The following ADGRD1 variants were observed in gnomAD, a reference collection of about 807,000 sequenced individuals.
ADGRD1 encodes G-protein coupled receptor 133.
Under a neutral mutation model 113.4 loss-of-function variants are expected in ADGRD1, and 77 were observed. That is an observed-to-expected ratio of 0.68 (90% CI 0.57 to 0.82). The LOEUF is 0.82. Ranked by LOEUF, ADGRD1 falls within the 40% of genes least tolerant of loss-of-function variation. The pLI, the probability that ADGRD1 is intolerant of heterozygous loss-of-function variation, is 0.00. For missense variants in ADGRD1, 1,036 were observed against 1,139.1 expected, an observed-to-expected ratio of 0.91 and a Z score of 1.30; for synonymous variants, 474 against 475.0, an observed-to-expected ratio of 1.00 and a Z score of 0.03.
At chr12:130,987,396 G>T in intron 6 of ADGRD1, 47 bp downstream of exon 6, 13 of 1,607,362 alleles carry the variant, frequency 8.1e-6, no homozygotes, top group Non-Finnish European at 1.1e-5. Context: ...CTGTTCCCAG[G>T]GTCACCCTGG....
In ADGRD1 at chr12:130,966,682, G is replaced by T; in HGVS notation, c.187+136G>T. Reference sequence around the variant, plus strand: ...TGGGTGCTGAGAGTGACTGTGGGCCGGGGAATCCCAGGGCCATCGGGGAGC... The same window carrying T: ...TGGGTGCTGAGAGTGACTGTGGGCCTGGGAATCCCAGGGCCATCGGGGAGC... On this transcript the variant is annotated intron_variant, in intron 3 of 24. Transcript: ENST00000261654. This position sits in a 1 kb window ranked among gnomAD's most constrained non-coding sequence, Gnocchi z 4.6. 1 of 662,390 alleles carries T rather than the reference G, an allele frequency of 1.5e-6. No homozygotes were observed. The highest frequency in any genetic ancestry group is 2.8e-6 in the Non-Finnish European group (1 of 362,612). The allele number at this position is 662,390 out of a possible 1,614,324, so 41.0% of individuals were successfully genotyped here.
intron 13 of ADGRD1, chr12:131,070,530 G>A (rs1885072846): frequency 1.5e-5 from 3 of 196,602 alleles, no homozygotes; most frequent in African/African-American, 6.9e-5. Context: ...GAGCCCCTGG[G>A]GCTTCTGTAG....
At chr12:131,102,321 G>A (rs960907801) in intron 15 of ADGRD1, among the ~76,000 whole-genome samples, 4 of 152,302 alleles carry the variant, frequency 2.6e-5, no homozygotes, top group South Asian at 2.1e-4. Flanking sequence ...TTCCATTGCC[G>A]AGAATGCTGC....
At chr12:131,118,635 C>T (rs999077180) in intron 19 of ADGRD1, among the ~76,000 whole-genome samples, 184 bp downstream of exon 19, 2 of 152,206 alleles carry the variant, frequency 1.3e-5, no homozygotes, top group South Asian at 2.1e-4. Flanking sequence ...CCCAGCTGTG[C>T]TCTGGACATT....
chr12:130,959,055 C>T (rs1360994497), intron 2 of ADGRD1, among the ~76,000 whole-genome samples: 3 of 152,258 alleles, frequency 2.0e-5, no homozygotes, highest in African/African-American at 4.8e-5. Flanking sequence ...AAACAGCAGC[C>T]GAGTGGTCAG....
In ADGRD1 at chr12:130,965,501, T is replaced by A. The variant is rs1840570790; in HGVS notation, c.104-962T>A. 6.6e-6 allele frequency among the ~76,000 whole-genome samples: 1 copy of A among 152,232 alleles called. No homozygotes were observed. Among genetic ancestry groups the A allele is most frequent in the African/African-American group, 2.4e-5 (1 of 41,466 alleles). ...TCATCTGAACCATTATTTCCACTTC[T>A]GTGAATGAATCCCAGAGGACTAATC... On this transcript the variant is annotated intron_variant, in intron 2 of 24. Transcript: ENST00000261654. This position sits in a 1 kb window ranked among gnomAD's most constrained non-coding sequence, Gnocchi z 4.8.
intron 5 of ADGRD1, among the ~76,000 whole-genome samples, chr12:130,983,304 C>G (rs1873243805): frequency 6.6e-6 from 1 of 152,174 alleles, no homozygotes; most frequent in African/African-American, 2.4e-5. Flanking sequence ...GCTTGTACCT[C>G]CACCTCTGTA....
chr12:131,010,920 C>T (rs941159644), intron 12 of ADGRD1, among the ~76,000 whole-genome samples: 10 of 152,174 alleles, frequency 6.6e-5, no homozygotes, highest in African/African-American at 2.4e-4. Context: ...GGAAAAGAAT[C>T]CTGGCCCCAC....
intron 13 of ADGRD1, chr12:131,070,764 C>G (rs1885093872): frequency 3.9e-6 from 2 of 512,864 alleles, no homozygotes; most frequent in Non-Finnish European, 7.8e-6. Context: ...TGGCCCCACC[C>G]ACAGCCTTAG....
At chr12:131,037,047 C>T (rs1168751898) in intron 13 of ADGRD1, among the ~76,000 whole-genome samples, 1 of 144,134 alleles carries the variant, frequency 6.9e-6, no homozygotes, top group East Asian at 2.1e-4. Context: ...CATGGGGCCT[C>T]ACTCACTGCA....
intron 13 of ADGRD1, among the ~76,000 whole-genome samples, chr12:131,064,614 A>G (rs2137102338): frequency 6.6e-6 from 1 of 152,364 alleles, no homozygotes; most frequent in East Asian, 1.9e-4. Flanking sequence ...CACATAATTT[A>G]TGAAACACTG....
At chr12:131,128,855 G>T (rs575461839) in intron 20 of ADGRD1, among the ~76,000 whole-genome samples, 1 of 151,788 alleles carries the variant, frequency 6.6e-6, no homozygotes, top group African/African-American at 2.4e-5. Flanking sequence ...CTGCTGTCTG[G>T]GTGTGGACGG....
At chr12:131,106,548 G>C (rs1950238361) in intron 17 of ADGRD1, among the ~76,000 whole-genome samples, 2 of 152,222 alleles carry the variant, frequency 1.3e-5, no homozygotes. Flanking sequence ...AAGGGAGCTG[G>C]TTCTGGCAGA....
intron 13 of ADGRD1, chr12:131,026,044 A>G (rs1487451155): frequency 6.6e-6 from 1 of 152,250 alleles, no homozygotes; most frequent in Non-Finnish European, 1.5e-5. Context: ...GTTCATGTCA[A>G]TTGCGCCAGT....
chr12:131,076,810 C>CAGCA lies in ADGRD1; in HGVS notation c.1484_1487dup (p.His496GlnfsTer4). 1.2e-6 allele frequency: 2 copies of CAGCA among 1,614,048 alleles called. No individual in the cohort carries two copies. Among genetic ancestry groups the CAGCA allele is most frequent in the Non-Finnish European group, 1.7e-6 (2 of 1,179,904 alleles). The stretch of plus-strand genomic sequence containing the variant: ...CTTTCTTTCATTTCAGACACGTAAG[C>CAGCA]AGCACAGTGAGGCCACCAACAGCAG... On this transcript the variant is annotated frameshift_variant, in exon 14 of 25. Transcript: ENST00000261654. LOFTEE classifies it high-confidence loss of function.
At chr12:131,009,321 C>T (rs557030746) in intron 12 of ADGRD1, among the ~76,000 whole-genome samples, 5 of 152,340 alleles carry the variant, frequency 3.3e-5, no homozygotes, top group Admixed American at 6.5e-5. Context: ...GTTTCGATTG[C>T]AAGGGAGAAG....
intron 18 of ADGRD1, among the ~76,000 whole-genome samples, chr12:131,109,826 G>A (rs756827578): frequency 7.2e-5 from 11 of 152,176 alleles, no homozygotes; most frequent in Non-Finnish European, 1.6e-4. Context: ...CTGAAGTATT[G>A]AAGTCACCAC....
Position 130,992,381 on chromosome 12 carries a change from A to G in ADGRD1, c.955A>G (p.Asn319Asp). The change falls in exon 8 of 25, where the codon AAT (asparagine) becomes GAT (aspartate). Residue 319 changes from asparagine (N) to aspartate (D), a missense_variant. Transcript: ENST00000261654. ...GTCCCTCTCGGAGCAGACAGCCTTG[A>G]ATCTCACCAAGGTAAGGCTATTTGA... ...SKSLSEQTAL[N>D]LTKTFLKAVG... 1 of 1,613,444 alleles carries G rather than the reference A, an allele frequency of 6.2e-7. No individual in the cohort carries two copies. The highest frequency in any genetic ancestry group is 8.5e-7 in the Non-Finnish European group (1 of 1,179,692).
chr12:131,140,320 C>T lies in ADGRD1; in HGVS notation c.*1057C>T, dbSNP rs1951213795. The T allele has an allele frequency of 6.6e-6, 1 of 152,204 alleles. No homozygotes were observed. Among genetic ancestry groups the T allele is most frequent in the Non-Finnish European group, 1.5e-5 (1 of 68,062 alleles). The allele number at this position is 152,204 out of a possible 1,614,324, so 9.4% of individuals were successfully genotyped here. A position where few individuals can be genotyped will look rare whatever the true frequency, so the allele number is the denominator to read the frequency against. On this transcript the variant is annotated 3_prime_UTR_variant, in exon 25 of 25. Transcript: ENST00000261654. ...ATGAGACCGACCTGCGCTGAGTCCC[C>T]ACTGACCTGGAGAGGGAGGGCTGGT...
Sources: gnomAD v4.1 joint callset for allele counts (sites outside exome capture counted in the v4.1 genomes callset) on GRCh38, gnomAD v4.1.1 for gene constraint, Gnocchi (gnomAD v3.1) non-coding constraint, MANE v1.5 for transcripts, NCBI Gene and HGNC (gene_info 2026-07-23, HGNC 2026-07-21) for gene names.